CABP4: variants seen among roughly 807,000 people sequenced by gnomAD.
CABP4 encodes calcium binding protein 4, also known as calcium-binding protein 4.
Under a neutral mutation model 30.7 loss-of-function variants are expected in CABP4, and 30 were observed. The observed-to-expected ratio is 0.98, with a 90% confidence interval of 0.73 to 1.33. The LOEUF is 1.33. Among genes scored for constraint, CABP4 ranks in the 40% most tolerant of loss-of-function variants. The pLI, the probability that CABP4 is intolerant of heterozygous loss-of-function variation, is 0.00. For synonymous variants in CABP4, 161 were observed against 159.2 expected, an observed-to-expected ratio of 1.01 and a Z score of -0.08; for missense variants, 424 against 395.5, an observed-to-expected ratio of 1.07 and a Z score of -0.61.
At chr11:67,456,589 G>A in intron 3 of CABP4, 147 bp downstream of exon 3, 1 of 1,054,482 alleles carries the variant, frequency 9.5e-7, no homozygotes, top group Admixed American at 2.1e-5. Flanking sequence ...CCGGGTTCAA[G>A]CTCCTGCCTC....
chr11:67,452,643 G>A (rs897278849), upstream of CABP4: 1 of 1,613,224 alleles, frequency 6.2e-7, no homozygotes, highest in South Asian at 1.1e-5. Context: ...CAGCCACCTT[G>A]GGGGTAGGAG....
rs121917828 is a variant in CABP4, at chr11:67,456,191, C to T, written c.370C>T (p.Arg124Cys). The change falls in exon 2 of 6, where the codon CGC becomes TGC. Residue 124 changes from arginine to cysteine, a missense_variant. Coordinates refer to ENST00000325656, the MANE Select transcript of CABP4 (RefSeq NM_145200.5). ...PLLNRVFGKDRELGPEELDEL... is the reference protein window; with the variant it reads ...PLLNRVFGKDCELGPEELDEL... ...ATCCTGGACTCTCCCCCTGCAGGAC[C>T]GCGAACTGGGCCCCGAGGAGCTAGA... 3.1e-4 allele frequency: 500 copies of T among 1,613,226 alleles called. No individual in the cohort carries two copies. Among genetic ancestry groups the T allele is most frequent in the Non-Finnish European group, 4.0e-4 (469 of 1,179,894 alleles).
chr11:67,455,821 C>T, intron 1 of CABP4, 32 bp downstream of exon 1: 1 of 1,551,236 alleles, frequency 6.4e-7, no homozygotes, highest in Non-Finnish European at 8.7e-7. Context: ...GCTGGGGGTC[C>T]TGGGGGTGGG....
Position 67,461,326 on chromosome 11 carries a change from C to T in CABP4, c.*2667C>T, listed in dbSNP as rs1046041244. Among the ~76,000 whole-genome samples, 5 of 152,052 alleles carry T rather than the reference C, an allele frequency of 3.3e-5. No individual in the cohort carries two copies. Among genetic ancestry groups the T allele is most frequent in the African/African-American group, 7.2e-5 (3 of 41,396 alleles). ...CAGATAAGTCCTTGGGAGTCTCAGA[C>T]GGAGGACATACATAGAGAATGAACA... On this transcript the variant is annotated 3_prime_UTR_variant, in exon 6 of 6. Transcript: ENST00000325656.
At chr11:67,458,254 T>G in intron 4 of CABP4, 117 bp from the exon 5 acceptor site, 2 of 853,548 alleles carry the variant, frequency 2.3e-6, no homozygotes, top group Non-Finnish European at 3.0e-6. Context: ...CAAGACTCCA[T>G]CTCAAAAAAT....
At chr11:67,453,655 CTG>C (rs1864652063), upstream of CABP4, 1 of 78,004 alleles carries the variant, frequency 1.3e-5, no homozygotes, top group Admixed American at 1.8e-4. Context: ...GAGCAAAACT[CTG>C]TCTCAAAAAA....
In CABP4 at chr11:67,455,507, CAA is replaced by C. The variant is rs748874132; in HGVS notation, c.85_86del (p.Lys29GlufsTer2). 1 of 1,605,744 alleles carries C rather than the reference CAA, an allele frequency of 6.2e-7. No individual in the cohort carries two copies. Among genetic ancestry groups the C allele is most frequent in the South Asian group, 1.1e-5 (1 of 89,716 alleles). On this transcript the variant is annotated frameshift_variant, in exon 1 of 6. Transcript: ENST00000325656. LOFTEE classifies it high-confidence loss of function. ...QKPPAGVVTP[K>X]SDAEEPPLTR... ...AGCCCCCTGCGGGGGTTGTGACTCC[CAA>C]GAGTGATGCAGAGGAGCCCCCGTTG... is the stretch of plus-strand genomic sequence containing the variant.
In CABP4 at chr11:67,458,437, G is replaced by C; in HGVS notation, c.718G>C (p.Gly240Arg). 2 of 1,613,918 alleles carry C rather than the reference G, an allele frequency of 1.2e-6. No individual in the cohort carries two copies. Among genetic ancestry groups the C allele is most frequent in the South Asian group, 1.1e-5 (1 of 91,054 alleles). ...GCGGGAGGCGGTACCGGCTCTGCTC[G>C]GGGAGCCGCTGGCGGGTCCTGAGCT... ...ELREAVPALL[G>R]EPLAGPELDE... Residue 240 changes from glycine (G) to arginine (R), a missense_variant, in exon 5 of 6, where the codon GGG becomes CGG. Physicochemically the swap from Gly to Arg is moderately radical, Grantham distance 125. Transcript: ENST00000325656.
upstream of CABP4, chr11:67,452,584 A>G (rs2135161922): frequency 6.2e-7 from 1 of 1,611,782 alleles, no homozygotes; most frequent in East Asian, 2.2e-5. Context: ...CCATCAACCC[A>G]TTGGCTGGCA....
At chr11:67,453,853 G>C (rs1404103653), upstream of CABP4, among the ~76,000 whole-genome samples, 2 of 152,108 alleles carry the variant, frequency 1.3e-5, no homozygotes, top group Non-Finnish European at 2.9e-5. Context: ...AGGATTCCAA[G>C]AAGGGAGGGC....
chr11:67,456,560 C>A, intron 3 of CABP4, 118 bp downstream of exon 3: 1 of 1,311,390 alleles, frequency 7.6e-7, no homozygotes, highest in Non-Finnish European at 1.1e-6. Context: ...GGGAGGGTGG[C>A]GGTTTCCAGG....
rs780223632 is a variant in CABP4, at chr11:67,458,460, G to C, written c.741G>C (p.Glu247Asp). 4 of 1,613,972 alleles carry C rather than the reference G, an allele frequency of 2.5e-6. No homozygotes were observed. The highest frequency in any genetic ancestry group is 1.7e-5 in the Admixed American group (1 of 60,000). Residue 247 changes from glutamate (E) to aspartate (D), a missense_variant, in exon 5 of 6, where the codon GAG (glutamate) becomes GAC (aspartate). Physicochemically the swap from Glu to Asp is conservative, Grantham distance 45. Transcript: ENST00000325656. ...TCGGGGAGCCGCTGGCGGGTCCTGA[G>C]CTGGACGAGATGCTCCGAGAAGTGG... ...ALLGEPLAGPELDEMLREVDL... is the reference protein window; with the variant it reads ...ALLGEPLAGPDLDEMLREVDL...
chr11:67,452,421 C>G (rs1220724562), upstream of CABP4: 1 of 1,612,494 alleles, frequency 6.2e-7, no homozygotes, highest in Non-Finnish European at 8.5e-7. Context: ...CGGCAGGCAG[C>G]TGTCCCCAGC....
At chr11:67,453,010 T>G, upstream of CABP4, 1 of 259,112 alleles carries the variant, frequency 3.9e-6, no homozygotes, top group Non-Finnish European at 6.8e-6. Flanking sequence ...GACTTTTCTT[T>G]TCTTTTCTTT....
chr11:67,453,042 C>A, upstream of CABP4: 1 of 255,040 alleles, frequency 3.9e-6, no homozygotes, highest in Non-Finnish European at 7.4e-6. Flanking sequence ...AGAGACAGGG[C>A]CTTGCTCTAT....
rs1448175642 is a variant in CABP4, at chr11:67,455,550, A to G, written c.127A>G (p.Lys43Glu). 6.2e-7 allele frequency: 1 copy of G among 1,603,386 alleles called. No individual in the cohort carries two copies. Among genetic ancestry groups the G allele is most frequent in the Non-Finnish European group, 8.5e-7 (1 of 1,176,160 alleles). The stretch of plus-strand genomic sequence containing the variant: ...GCCCCCGTTGACCAGGAAGAGGAGC[A>G]AGAAGGAGAGGGGGCTCCGAGGGTC... ...EEPPLTRKRS[K>E]KERGLRGSRK... is the part of the protein sequence containing the mutation. The change falls in exon 1 of 6, where the codon AAG becomes GAG. Residue 43 changes from lysine (K) to glutamate (E), a missense_variant. Coordinates refer to ENST00000325656, the MANE Select transcript of CABP4 (RefSeq NM_145200.5).
chr11:67,454,980 G>C (rs1638563), upstream of CABP4, among the ~76,000 whole-genome samples: 20,935 of 152,228 alleles, frequency 0.14, 4,790 homozygotes, highest in African/African-American at 0.47. Context: ...CATGCCTCCT[G>C]CCACCTGAGA....
chr11:67,455,857 G>T (rs1864766714), intron 1 of CABP4, 68 bp downstream of exon 1: 1 of 1,520,182 alleles, frequency 6.6e-7, no homozygotes. Context: ...CTTGGGCTCA[G>T]CTCACCCTGC....
chr11:67,455,867 C>T, intron 1 of CABP4, 78 bp downstream of exon 1: 1 of 1,496,586 alleles, frequency 6.7e-7, no homozygotes, highest in Non-Finnish European at 9.0e-7. Context: ...GCTCACCCTG[C>T]CCCTGAGAGG....
Sources: allele counts gnomAD v4.1 joint callset (sites outside exome capture counted in the v4.1 genomes callset), GRCh38; gene constraint gnomAD v4.1.1; transcripts MANE v1.5; gene names NCBI Gene and HGNC (gene_info 2026-07-23, HGNC 2026-07-21).